The following ABTB3 variants were observed in gnomAD, a reference collection of about 807,000 sequenced individuals.
The protein encoded by ABTB3 is ankyrin repeat- and BTB/POZ domain-containing protein 3.
the ABTB3 span, among the ~76,000 whole-genome samples, chr12:107,558,985 G>A: frequency 6.6e-6 from 1 of 152,190 alleles, no homozygotes. Flanking sequence ...TTGCTTCCAT[G>A]TCTGTCTCCA....
At chr12:107,608,942 T>TAAAATAAAAA in the ABTB3 span, among the ~76,000 whole-genome samples, 1 of 60,270 alleles carries the variant, frequency 1.7e-5, no homozygotes, top group Non-Finnish European at 3.2e-5. Context: ...TAAAATAAAA[T>TAAAATAAAAA]AAATAAAATA....
At chr12:107,370,757 A>ATTT in the ABTB3 span, among the ~76,000 whole-genome samples, 36 of 87,460 alleles carry the variant, frequency 4.1e-4, no homozygotes, top group African/African-American at 8.4e-4. Flanking sequence ...CAAAAAAGGG[A>ATTT]TTTTTTTTTT....
chr12:107,456,419 G>A, the ABTB3 span, among the ~76,000 whole-genome samples: 2 of 152,186 alleles, frequency 1.3e-5, no homozygotes, highest in Non-Finnish European at 2.9e-5. Flanking sequence ...AGAGTGGCAC[G>A]AACCGTATTG....
the ABTB3 span, among the ~76,000 whole-genome samples, chr12:107,630,447 T>C: frequency 6.6e-6 from 1 of 152,138 alleles, no homozygotes; most frequent in African/African-American, 2.4e-5. Context: ...ACTGCTTCCA[T>C]TATAATCATA....
the ABTB3 span, among the ~76,000 whole-genome samples, chr12:107,633,882 G>A: frequency 6.6e-6 from 1 of 152,236 alleles, no homozygotes; most frequent in African/African-American, 2.4e-5. Context: ...TCTGGGGCGA[G>A]GCCCAAGCAT....
the ABTB3 span, among the ~76,000 whole-genome samples, chr12:107,417,722 C>T: frequency 6.6e-6 from 1 of 152,222 alleles, no homozygotes; most frequent in Non-Finnish European, 1.5e-5. Flanking sequence ...ACTGAGTATC[C>T]GCCCTGTGCT....
At chr12:107,510,133 C>T in the ABTB3 span, among the ~76,000 whole-genome samples, 3 of 152,290 alleles carry the variant, frequency 2.0e-5, no homozygotes, top group East Asian at 1.9e-4. Flanking sequence ...CAGGTCCGTC[C>T]GATGCCCATT....
chr12:107,390,885 T>C, the ABTB3 span, among the ~76,000 whole-genome samples: 11 of 152,230 alleles, frequency 7.2e-5, no homozygotes, highest in Non-Finnish European at 1.3e-4. Flanking sequence ...GTGCAGTGGC[T>C]CATGCCTGTA....
the ABTB3 span, among the ~76,000 whole-genome samples, chr12:107,456,405 T>G: frequency 6.6e-6 from 1 of 152,240 alleles, no homozygotes; most frequent in Non-Finnish European, 1.5e-5. Flanking sequence ...AGCATTAGAT[T>G]CTCAGAGTGG....
the ABTB3 span, among the ~76,000 whole-genome samples, chr12:107,619,715 C>CCTCT: frequency 6.6e-6 from 1 of 152,138 alleles, no homozygotes; most frequent in African/African-American, 2.4e-5. Context: ...TGAAATGCAG[C>CCTCT]CTCTAATAAT....
the ABTB3 span, among the ~76,000 whole-genome samples, chr12:107,478,123 G>T: frequency 6.6e-6 from 1 of 152,170 alleles, no homozygotes; most frequent in African/African-American, 2.4e-5. Flanking sequence ...TCAACACACA[G>T]TTCAGAGAGA....
the ABTB3 span, among the ~76,000 whole-genome samples, chr12:107,459,012 T>C: frequency 2.0e-5 from 3 of 152,152 alleles, no homozygotes; most frequent in Non-Finnish European, 4.4e-5. Context: ...CTTTGCAGTG[T>C]TCTGTATTAG....
chr12:107,386,933 G>T, the ABTB3 span, among the ~76,000 whole-genome samples: 6,997 of 148,132 alleles, frequency 0.047, 206 homozygotes, highest in Middle Eastern at 0.093. Flanking sequence ...GTATGTGTGC[G>T]CATGCTTGCA....
chr12:107,530,126 G>A, the ABTB3 span, among the ~76,000 whole-genome samples: 3 of 152,230 alleles, frequency 2.0e-5, no homozygotes, highest in Non-Finnish European at 2.9e-5. Context: ...GAAGGGAACC[G>A]GGAAATGCAG....
At chr12:107,360,497 C>T in the ABTB3 span, among the ~76,000 whole-genome samples, 1 of 152,136 alleles carries the variant, frequency 6.6e-6, no homozygotes, top group Admixed American at 6.5e-5. Context: ...TTCTAAGCTC[C>T]CTGCTTTGGT....
chr12:107,478,172 A>G, the ABTB3 span, among the ~76,000 whole-genome samples: 1 of 152,176 alleles, frequency 6.6e-6, no homozygotes, highest in African/African-American at 2.4e-5. Context: ...CCACTCCTAC[A>G]ATTGTGTCAG....
chr12:107,421,974 G>C, the ABTB3 span, among the ~76,000 whole-genome samples: 1 of 152,150 alleles, frequency 6.6e-6, no homozygotes, highest in Admixed American at 6.5e-5. Flanking sequence ...TTGGCCTGAG[G>C]GAACTTATAC....
chr12:107,565,538 T>C, the ABTB3 span, among the ~76,000 whole-genome samples: 1 of 151,948 alleles, frequency 6.6e-6, no homozygotes, highest in Admixed American at 6.6e-5. Context: ...TTGCACCAGT[T>C]CCCATTCAGA....
chr12:107,637,778 C>T, the ABTB3 span, among the ~76,000 whole-genome samples: 3 of 137,396 alleles, frequency 2.2e-5, no homozygotes, highest in African/African-American at 5.6e-5. Flanking sequence ...AATCGGAGAG[C>T]ACTGATTTTG....
Sources: allele counts gnomAD v4.1 joint callset (sites outside exome capture counted in the v4.1 genomes callset), GRCh38; gene constraint gnomAD v4.1.1; transcripts MANE v1.5; gene names NCBI Gene and HGNC (gene_info 2026-07-23, HGNC 2026-07-21).